Variants in CD320 observed in about 807,000 individuals in gnomAD.
CD320 encodes CD320 molecule, also known as CD320 antigen.
In CD320, 16 loss-of-function variants were observed where a neutral mutation model predicts 22.1. That is an observed-to-expected ratio of 0.73 (90% CI 0.49 to 1.10). The LOEUF is 1.10. CD320 is among the 50% of genes least tolerant of loss of function. The pLI, the probability that CD320 is intolerant of heterozygous loss-of-function variation, is 0.00. For synonymous variants in CD320, 188 were observed against 167.8 expected (o/e 1.12, Z -0.93); for missense variants, 388 against 376.9 (o/e 1.03, Z -0.24).
At chr19:8,303,296 T>C (rs546331247) in intron 3 of CD320, among the ~76,000 whole-genome samples, 19 of 152,206 alleles carry the variant, frequency 1.2e-4, no homozygotes, top group African/African-American at 4.3e-4. Context: ...TTTGTATTTT[T>C]AGTAGAGACA....
chr19:8,304,001 C>G lies in CD320; in HGVS notation c.356G>C (p.Gly119Ala), dbSNP rs1003366693. 7 of 1,570,094 alleles carry G rather than the reference C, an allele frequency of 4.5e-6. No individual in the cohort carries two copies. The highest frequency in any genetic ancestry group is 6.0e-6 in the Non-Finnish European group (7 of 1,157,562). The part of the protein sequence containing the change: ...PCTGVSDCSG[G>A]TDKKLRNCSR... ...GCAGTTGCGCAGTTTCTTGTCAGTT[C>G]CCCCAGAGCAGTCACTGACGCCGGT... Residue 119 changes from glycine (G) to alanine (A), a missense_variant, in exon 3 of 5, where the codon GGA (glycine) becomes GCA (alanine). Transcript: ENST00000301458.
intron 3 of CD320, 93 bp downstream of exon 3, chr19:8,303,762 G>A: frequency 3.6e-6 from 3 of 831,672 alleles, no homozygotes; most frequent in East Asian, 2.7e-5. Flanking sequence ...ACGGGCAAAG[G>A]CATGTGTCCA....
chr19:8,303,754 G>C, intron 3 of CD320, 101 bp downstream of exon 3: 4 of 792,952 alleles, frequency 5.0e-6, no homozygotes, highest in Non-Finnish European at 6.4e-6. Flanking sequence ...ATGCAGGCAC[G>C]GGCAAAGGCA....
chr19:8,306,287 A>C (rs949471380), intron 1 of CD320, among the ~76,000 whole-genome samples: 31 of 152,286 alleles, frequency 2.0e-4, no homozygotes, highest in African/African-American at 7.5e-4. Context: ...CAGACTGGAC[A>C]TTCTGTGGAG....
At chr19:8,306,681 G>C (rs1219868922) in intron 1 of CD320, among the ~76,000 whole-genome samples, 1 of 152,184 alleles carries the variant, frequency 6.6e-6, no homozygotes, top group African/African-American at 2.4e-5. Context: ...CTTGCCACAG[G>C]GTCCCTGAGC....
Position 8,305,887 on chromosome 19 carries a change from G to A in CD320, c.143-731C>T, listed in dbSNP as rs188080908. On this transcript the variant is annotated intron_variant, in intron 1 of 4. Coordinates refer to ENST00000301458, the MANE Select transcript of CD320 (RefSeq NM_016579.4). ...TCCACATGCCCTGGGTCAGGCTCCC[G>A]GGCTCAGGTCAGCAGGGAGGGTCTA... 3.2e-3 allele frequency: 494 copies of A among 152,368 alleles called. 1 individual carries two copies. Among genetic ancestry groups the A allele is most frequent in the Non-Finnish European group, 5.2e-3 (351 of 68,152 alleles). 9.4% of individuals were successfully genotyped at this position (152,368 alleles called of 1,614,324 possible).
At chr19:8,307,575 G>A (rs148201034) in intron 1 of CD320, among the ~76,000 whole-genome samples, 1,539 of 152,164 alleles carry the variant, frequency 0.01, 21 homozygotes, top group African/African-American at 0.034. Context: ...ATACCTCTTA[G>A]GCCAGGGCGA....
In CD320 at chr19:8,302,295, C is replaced by A. The variant is rs572292497; in HGVS notation, c.*168G>T. 6.0e-6 allele frequency: 5 copies of A among 839,220 alleles called. 1 individual carries two copies. The East Asian group carries it at 1.3e-4, about 21-fold the overall frequency. 52.0% of individuals were successfully genotyped at this position (839,220 alleles called of 1,614,324 possible). A position where few individuals can be genotyped will look rare whatever the true frequency, so the allele number is the denominator to read the frequency against. The stretch of plus-strand genomic sequence containing the variant: ...ATCTCCATAGGGAGTGTCCAGGGAC[C>A]CTCAATCTCCAGGGCCACTTCTGCA... On this transcript the variant is annotated 3_prime_UTR_variant, in exon 5 of 5. Coordinates refer to ENST00000301458, the MANE Select transcript of CD320 (RefSeq NM_016579.4).
Position 8,302,932 on chromosome 19 carries a change from G to A in CD320, c.551C>T (p.Pro184Leu), listed in dbSNP as rs529629965. The A allele has an allele frequency of 4.3e-6, 7 of 1,613,960 alleles. No individual in the cohort carries two copies. The Admixed American group carries it at 8.3e-5, about 19-fold the overall frequency. The change falls in exon 4 of 5, where the codon CCT becomes CTT. Residue 184 changes from proline (P) to leucine (L), a missense_variant. Physicochemically the swap from Pro to Leu is moderately conservative, Grantham distance 98. Coordinates refer to ENST00000301458, the MANE Select transcript of CD320 (RefSeq NM_016579.4). ...PEGDATTMGP[P>L]VTLESVTSLR... Reference sequence around the variant, plus strand: ...AGAGGTGACACTCTCCAGGGTCACAGGGGGCCCCATGGTTGTGGCATCCCC... The same window carrying A: ...AGAGGTGACACTCTCCAGGGTCACAAGGGGCCCCATGGTTGTGGCATCCCC...
intron 3 of CD320, 53 bp downstream of exon 3, chr19:8,303,802 C>T (rs1265949809): frequency 2.4e-6 from 3 of 1,234,918 alleles, no homozygotes; most frequent in Non-Finnish European, 2.3e-6. Flanking sequence ...CCCCAGCAGG[C>T]AGTGGGTGTC....
At position 8,304,688 on chromosome 19, in the gene CD320, C is replaced by CTT. The variant is rs3076801; in HGVS notation, c.268+341_268+342dup. 749 of 207,724 alleles carry CTT rather than the reference C, an allele frequency of 3.6e-3. 1 individual carries two copies. The highest frequency in any genetic ancestry group is 8.2e-3 in the South Asian group (112 of 13,714). The allele number at this position is 207,724 out of a possible 1,614,324, so 12.9% of individuals were successfully genotyped here. A position where few individuals can be genotyped will look rare whatever the true frequency, so the allele number is the denominator to read the frequency against. On this transcript the variant is annotated intron_variant, in intron 2 of 4. Coordinates refer to ENST00000301458, the MANE Select transcript of CD320 (RefSeq NM_016579.4). ...CCTTTCTTTCCTTTCTTTCATTTTT[C>CTT]TTTTTTTTTTCTTTTTCTTTTTTTT...
rs149651667 is a variant in CD320, at chr19:8,302,300, A to G, written c.*163T>C. On this transcript the variant is annotated 3_prime_UTR_variant, in exon 5 of 5. Coordinates refer to ENST00000301458, the MANE Select transcript of CD320 (RefSeq NM_016579.4). ...CATAGGGAGTGTCCAGGGACCCTCA[A>G]TCTCCAGGGCCACTTCTGCAGGAGC... The G allele has an allele frequency of 7.4e-4, 654 of 878,702 alleles. 7 individuals are homozygous for G. The East Asian group carries it at 0.016, about 21-fold the overall frequency. The allele number at this position is 878,702 out of a possible 1,614,324, so 54.4% of individuals were successfully genotyped here.
chr19:8,303,029 G>A (rs1011293712), intron 3 of CD320, 49 bp from the exon 4 acceptor site: 10 of 1,533,972 alleles, frequency 6.5e-6, no homozygotes, highest in South Asian at 4.6e-5. Flanking sequence ...CACTGAAGGC[G>A]TGAGGGGGCC....
intron 2 of CD320, 147 bp from the exon 3 acceptor site, chr19:8,304,235 G>C (rs530290515): frequency 3.1e-5 from 19 of 611,246 alleles, no homozygotes; most frequent in Non-Finnish European, 5.1e-5. Context: ...CCCTGCAACT[G>C]TTAACTCCAC....
At chr19:8,307,650 G>A (rs61641927) in intron 1 of CD320, among the ~76,000 whole-genome samples, 3 of 152,168 alleles carry the variant, frequency 2.0e-5, no homozygotes, top group Non-Finnish European at 2.9e-5. Context: ...AGTAGCATGG[G>A]GGGGAGAGAC....
At position 8,302,248 on chromosome 19, in the gene CD320, G is replaced by A. The variant is rs773898400; in HGVS notation, c.*215C>T. 8 of 708,802 alleles carry A rather than the reference G, an allele frequency of 1.1e-5. No individual in the cohort carries two copies. The highest frequency in any genetic ancestry group is 2.0e-5 in the Non-Finnish European group (8 of 393,972). The allele number at this position is 708,802 out of a possible 1,614,324, so 43.9% of individuals were successfully genotyped here. A position where few individuals can be genotyped will look rare whatever the true frequency, so the allele number is the denominator to read the frequency against. On this transcript the variant is annotated 3_prime_UTR_variant, in exon 5 of 5. Transcript: ENST00000301458. Reference sequence around the variant, plus strand: ...AGCCCCTCAGTTCTGGCTGTGGCAGGTTCCCCATCCTAGCTCCCCGGATCT... The same window carrying A: ...AGCCCCTCAGTTCTGGCTGTGGCAGATTCCCCATCCTAGCTCCCCGGATCT...
chr19:8,305,724 AAG>A (rs1491183938), intron 1 of CD320: 4 of 153,982 alleles, frequency 2.6e-5, no homozygotes, highest in Admixed American at 1.3e-4. Flanking sequence ...AGAAAAAAAA[AAG>A]AGCTGGTAGC....
Position 8,302,424 on chromosome 19 carries a change from C to T in CD320, c.*39G>A, listed in dbSNP as rs368004832. The T allele has an allele frequency of 9.7e-5, 157 of 1,613,566 alleles. 1 individual carries two copies. In the African/African-American group the frequency reaches 1.2e-3, roughly 12 times the overall value. On this transcript the variant is annotated 3_prime_UTR_variant, in exon 5 of 5. Transcript: ENST00000301458. ...TCACTGCTCTCCTCCTGTCCGGCTA[C>T]GCCCAGGGCTGAGTGACGGTGGTGG...
chr19:8,304,983 C>A (rs969338078), intron 2 of CD320, 48 bp downstream of exon 2: 1 of 1,595,842 alleles, frequency 6.3e-7, no homozygotes. Flanking sequence ...ACAAACCACC[C>A]TCAGGCCCCG....
Sources: gnomAD v4.1 joint callset for allele counts (sites outside exome capture counted in the v4.1 genomes callset) on GRCh38, gnomAD v4.1.1 for gene constraint, MANE v1.5 for transcripts, NCBI Gene and HGNC (gene_info 2026-07-23, HGNC 2026-07-21) for gene names.